MACROD2: variants seen among roughly 807,000 people sequenced by gnomAD.
The protein encoded by MACROD2 is ADP-ribose glycohydrolase MACROD2.
MACROD2 carries 36 observed loss-of-function variants against 70.4 expected under a neutral mutation model. That is an observed-to-expected ratio of 0.51 (90% confidence interval 0.39 to 0.68). The LOEUF (loss-of-function observed/expected upper bound fraction) is 0.68, where lower values mean the gene tolerates loss of function less well. Ranked by LOEUF, MACROD2 falls within the 30% of genes least tolerant of loss-of-function variation. The pLI is 0.00. For missense variants in MACROD2, 496 were observed against 538.4 expected (o/e 0.92, Z 0.78); for synonymous variants, 172 against 178.8 (o/e 0.96, Z 0.30).
chr20:14,483,573 A>C (rs1183478739), intron 3 of MACROD2, among the ~76,000 whole-genome samples: 3 of 151,730 alleles, frequency 2.0e-5, no homozygotes, highest in Non-Finnish European at 2.9e-5. Context: ...CGCCTGGCTT[A>C]TTTTGTATTT....
intron 8 of MACROD2, among the ~76,000 whole-genome samples, chr20:15,576,107 T>G (rs368078061): frequency 1.3e-5 from 2 of 152,184 alleles, no homozygotes; most frequent in Non-Finnish European, 2.9e-5. Flanking sequence ...TTTCCTATTT[T>G]TTTTAATTTG....
At chr20:14,017,987 A>G (rs1038159246) in intron 2 of MACROD2, among the ~76,000 whole-genome samples, 1 of 152,076 alleles carries the variant, frequency 6.6e-6, no homozygotes, top group African/African-American at 2.4e-5. Context: ...TTATAGGTCT[A>G]TTGAAGTTTT....
chr20:14,890,974 CCTTCCTTCCTTCCTT>C (rs1600775704), intron 5 of MACROD2, among the ~76,000 whole-genome samples: 2 of 138,030 alleles, frequency 1.4e-5, no homozygotes, highest in Non-Finnish European at 3.1e-5. Flanking sequence ...TTCCTTCCTT[CCTTCCTTCCTTCCTT>C]CCTCCCTCCC....
At chr20:14,084,489 TA>T (rs2054050923) in intron 2 of MACROD2, among the ~76,000 whole-genome samples, 1 of 152,218 alleles carries the variant, frequency 6.6e-6, no homozygotes. Context: ...GTAAGTATAT[TA>T]AAAACCTTTT....
At chr20:14,040,238 T>C (rs1162722867) in intron 2 of MACROD2, among the ~76,000 whole-genome samples, 1 of 152,150 alleles carries the variant, frequency 6.6e-6, no homozygotes, top group Non-Finnish European at 1.5e-5. Flanking sequence ...TATGGTTATA[T>C]ATAGCATAGC....
chr20:15,116,157 C>G (rs1038780483), intron 5 of MACROD2, among the ~76,000 whole-genome samples: 6 of 152,094 alleles, frequency 3.9e-5, no homozygotes, highest in Non-Finnish European at 7.4e-5. Context: ...TCAGAATATA[C>G]AAAAATTCAG....
At chr20:14,930,161 C>CAAAAA (rs61532850) in intron 5 of MACROD2, among the ~76,000 whole-genome samples, 7 of 106,434 alleles carry the variant, frequency 6.6e-5, no homozygotes, top group South Asian at 4.3e-4. Context: ...GACTCCGTCT[C>CAAAAA]AAAAAAAAAA....
chr20:14,425,423 T>A (rs949708490), intron 3 of MACROD2, among the ~76,000 whole-genome samples: 14 of 152,230 alleles, frequency 9.2e-5, no homozygotes, highest in African/African-American at 3.4e-4. Context: ...TGCATTACTA[T>A]ACGTATGAAA....
intron 6 of MACROD2, among the ~76,000 whole-genome samples, chr20:15,245,959 A>G (rs141751152): frequency 6.6e-6 from 1 of 152,328 alleles, no homozygotes; most frequent in Non-Finnish European, 1.5e-5. Flanking sequence ...ATTTTTAGGA[A>G]CTGGATACTT....
chr20:15,398,998 T>C (rs556823177), intron 6 of MACROD2, among the ~76,000 whole-genome samples: 1 of 152,244 alleles, frequency 6.6e-6, no homozygotes, highest in South Asian at 2.1e-4. Flanking sequence ...TTGTTGCTTC[T>C]GATAGGAAAA....
intron 6 of MACROD2, among the ~76,000 whole-genome samples, chr20:15,285,697 T>C (rs1252259067): frequency 6.6e-6 from 1 of 152,142 alleles, no homozygotes; most frequent in Non-Finnish European, 1.5e-5. Context: ...TTTAGGTATG[T>C]AGCCAAAGAC....
At chr20:14,478,528 T>A (rs1600282589) in intron 3 of MACROD2, among the ~76,000 whole-genome samples, 2 of 152,304 alleles carry the variant, frequency 1.3e-5, no homozygotes, top group African/African-American at 4.8e-5. Flanking sequence ...AAAAAATTTA[T>A]CTTATTTGTC....
rs114493114 is a variant in MACROD2, at chr20:14,526,740, A to G, written c.301+33232A>G. On this transcript the variant is annotated intron_variant, in intron 4 of 17. Coordinates refer to ENST00000684519, the MANE Select transcript of MACROD2 (RefSeq NM_001351661.2). Reference sequence around the variant, plus strand: ...CACTTCTTCAGTGTCCTGCTGCTGAAACCTCTAGGGGAGCATACAAACTGA... The same window carrying G: ...CACTTCTTCAGTGTCCTGCTGCTGAGACCTCTAGGGGAGCATACAAACTGA... Among the ~76,000 whole-genome samples, 1,114 of 152,296 alleles carry G rather than the reference A, an allele frequency of 7.3e-3. 8 individuals are homozygous for G. Among genetic ancestry groups the G allele is most frequent in the African/African-American group, 0.025 (1,032 of 41,564 alleles).
chr20:15,993,181 CTAG>C (rs1311927926), intron 15 of MACROD2, among the ~76,000 whole-genome samples: 1 of 151,236 alleles, frequency 6.6e-6, no homozygotes, highest in African/African-American at 2.4e-5. Flanking sequence ...AAATGATTAA[CTAG>C]TAAGGGAATC....
intron 8 of MACROD2, among the ~76,000 whole-genome samples, chr20:15,738,032 G>A (rs953711164): frequency 8.5e-5 from 13 of 152,154 alleles, no homozygotes; most frequent in Admixed American, 7.2e-4. Flanking sequence ...ACAGTAGAAC[G>A]ATGGTTACCA....
At chr20:16,002,161 G>GT (rs1478723199) in intron 15 of MACROD2, among the ~76,000 whole-genome samples, 8 of 151,832 alleles carry the variant, frequency 5.3e-5, no homozygotes, top group African/African-American at 9.7e-5. Flanking sequence ...GACAATACAG[G>GT]AACATATCCA....
At chr20:14,712,879 C>T (rs978352753) in intron 5 of MACROD2, among the ~76,000 whole-genome samples, 1 of 152,030 alleles carries the variant, frequency 6.6e-6, no homozygotes, top group African/African-American at 2.4e-5. Flanking sequence ...CTTACCCTTC[C>T]TGTTTACATT....
At chr20:15,297,117 C>G (rs1480687568) in intron 6 of MACROD2, among the ~76,000 whole-genome samples, 1 of 152,200 alleles carries the variant, frequency 6.6e-6, no homozygotes, top group African/African-American at 2.4e-5. Context: ...TCTGCTGCCT[C>G]TTGATATTGA....
rs199982138 is a variant in MACROD2 at position 14,322,409 on chromosome 20, T to TC, written c.272-171070_272-171069insC. 4.1e-5 allele frequency among the ~76,000 whole-genome samples: 6 copies of TC among 146,918 alleles called. No homozygotes were observed. The East Asian group carries it at 1.2e-3, about 29-fold the overall frequency. ...ACTGGAAAATATCAATATAATCTCT[T>TC]TTTTTTTTTTTTGCTTTTTATAAAC... On this transcript the variant is annotated intron_variant, in intron 3 of 17. Coordinates refer to ENST00000684519, the MANE Select transcript of MACROD2 (RefSeq NM_001351661.2).
Sources: gnomAD v4.1 joint callset for allele counts (sites outside exome capture counted in the v4.1 genomes callset) on GRCh38, gnomAD v4.1.1 for gene constraint, MANE v1.5 for transcripts, NCBI Gene and HGNC (gene_info 2026-07-23, HGNC 2026-07-21) for gene names.